PATL2: variants seen among roughly 807,000 people sequenced by gnomAD.
PATL2 encodes the protein protein PAT1 homolog 2.
Under a neutral mutation model 77.0 loss-of-function variants are expected in PATL2, and 73 were observed. The observed-to-expected ratio is 0.95, with a 90% CI of 0.78 to 1.15. PATL2 has a LOEUF of 1.15. PATL2 is among the 50% of genes most tolerant of loss of function. The pLI is 0.00. For missense variants in PATL2, 618 were observed against 655.4 expected, an observed-to-expected ratio of 0.94 and a Z score of 0.62; for synonymous variants, 265 against 257.1, an observed-to-expected ratio of 1.03 and a Z score of -0.29.
intron 3 of PATL2, among the ~76,000 whole-genome samples, chr15:44,695,755 C>T (rs1217228568): frequency 1.3e-5 from 2 of 152,210 alleles, no homozygotes; most frequent in African/African-American, 4.8e-5. Context: ...TGTGGACATA[C>T]CTGGTCCTTC....
Position 44,666,445 on chromosome 15 carries a change from C to T in PATL2, c.1560G>A (p.Leu520=). The T allele has an allele frequency of 6.4e-7, 1 of 1,551,694 alleles. No individual in the cohort carries two copies. The highest frequency in any genetic ancestry group is 8.7e-7 in the Non-Finnish European group (1 of 1,146,982). ...ATTGTTTGTCCACGTGGTGACAGAA[C>T]AGGGGAAGTAGGTTGCTGGGGAAAG... is the stretch of plus-strand genomic sequence containing the variant. ...PLAFPSNLLP[L]FCHHVDKQLV... The change falls in exon 17 of 18, where the codon CTG becomes CTA. Residue 520 remains leucine, a synonymous_variant. Transcript: ENST00000682850.
chr15:44,702,743 T>C (rs1456957589), intron 3 of PATL2, among the ~76,000 whole-genome samples: 1 of 151,868 alleles, frequency 6.6e-6, no homozygotes, highest in Admixed American at 6.6e-5. Flanking sequence ...AATTTCTTTG[T>C]TGACCCACAG....
chr15:44,709,197 C>A (rs1182452369), intron 3 of PATL2, among the ~76,000 whole-genome samples: 1 of 152,152 alleles, frequency 6.6e-6, no homozygotes, highest in Non-Finnish European at 1.5e-5. Flanking sequence ...CCACATCCAG[C>A]CCCAAATTGT....
At chr15:44,708,215 G>C (rs1389930339) in intron 3 of PATL2, among the ~76,000 whole-genome samples, 1 of 152,100 alleles carries the variant, frequency 6.6e-6, no homozygotes, top group African/African-American at 2.4e-5. Context: ...CCTGATTTTT[G>C]GTTCTTATGA....
At chr15:44,685,328 G>A (rs895593576) in intron 3 of PATL2, among the ~76,000 whole-genome samples, 5 of 152,182 alleles carry the variant, frequency 3.3e-5, no homozygotes, top group African/African-American at 9.6e-5. Flanking sequence ...TCAAGACCCT[G>A]CCAGGCACGG....
intron 3 of PATL2, among the ~76,000 whole-genome samples, chr15:44,682,899 T>C (rs1342960917): frequency 6.6e-6 from 1 of 152,136 alleles, no homozygotes; most frequent in Non-Finnish European, 1.5e-5. Context: ...ACCCAGCTCA[T>C]CTCACTGGGA....
rs756768541 is a variant in PATL2, at chr15:44,665,895, A to G, written c.*58T>C. 29 of 1,550,404 alleles carry G rather than the reference A, an allele frequency of 1.9e-5. No individual in the cohort carries two copies. The highest frequency in any genetic ancestry group is 9.6e-5 in the African/African-American group (7 of 73,030). On this transcript the variant is annotated 3_prime_UTR_variant, in exon 18 of 18. Coordinates refer to ENST00000682850, the MANE Select transcript of PATL2 (RefSeq NM_001387263.1). The stretch of plus-strand genomic sequence containing the variant: ...CTCTGGATCCCTGTAAACATAGTCT[A>G]TGTAGCTAGTGTCTGATGATTCAAC...
chr15:44,695,175 G>A (rs1459310043), intron 3 of PATL2, among the ~76,000 whole-genome samples: 5 of 150,952 alleles, frequency 3.3e-5, no homozygotes, highest in East Asian at 3.9e-4. Flanking sequence ...GCGACAGAGC[G>A]AGACTCCCTC....
At chr15:44,666,878 T>TA in intron 16 of PATL2, 1 of 518,190 alleles carries the variant, frequency 1.9e-6, no homozygotes. Flanking sequence ...TAGGTCTTTT[T>TA]AAAATCTAAA....
chr15:44,668,905 G>A, intron 14 of PATL2, 75 bp downstream of exon 14: 1 of 1,428,094 alleles, frequency 7.0e-7, no homozygotes, highest in Non-Finnish European at 9.3e-7. Context: ...TCTGGGGCAT[G>A]TGGGGACTGG....
rs1566849979 is a variant in PATL2 at position 44,669,827 on chromosome 15, A to G, written c.826T>C (p.Phe276Leu). The G allele has an allele frequency of 1.9e-6, 3 of 1,551,670 alleles. No homozygotes were observed. The change falls in exon 11 of 18, where the codon TTC (phenylalanine) becomes CTC (leucine). Residue 276 changes from phenylalanine to leucine, a missense_variant. Coordinates refer to ENST00000682850, the MANE Select transcript of PATL2 (RefSeq NM_001387263.1). ...SLGQVAVSTCFSPRRAIDAVP... is the reference protein window; with the variant it reads ...SLGQVAVSTCLSPRRAIDAVP... The stretch of plus-strand genomic sequence containing the variant: ...GCATCAATAGCTCGGCGAGGGCTGA[A>G]GCATGTCGACACAGCTACCTGGCCC...
intron 3 of PATL2, among the ~76,000 whole-genome samples, chr15:44,687,242 C>G (rs2086279894): frequency 6.6e-6 from 1 of 152,208 alleles, no homozygotes; most frequent in African/African-American, 2.4e-5. Flanking sequence ...GGATGCAAGG[C>G]TGGTTCAACA....
At chr15:44,676,223 T>C (rs934396845) in intron 4 of PATL2, 30 of 518,952 alleles carry the variant, frequency 5.8e-5, no homozygotes, top group Middle Eastern at 9.6e-4. Context: ...TGCCATATAC[T>C]TTACGTGCAT....
Position 44,669,787 on chromosome 15 carries a change from G to C in PATL2, c.866C>G (p.Thr289Ser), listed in dbSNP as rs533258380. 9.7e-6 allele frequency: 15 copies of C among 1,551,586 alleles called. No homozygotes were observed. In the East Asian group the frequency reaches 3.7e-4, roughly 38 times the overall value. Residue 289 changes from threonine to serine, a missense_variant, in exon 11 of 18, where the codon ACT becomes AGT. By Grantham distance (58) the Thr-to-Ser change is moderately conservative. Coordinates refer to ENST00000682850, the MANE Select transcript of PATL2 (RefSeq NM_001387263.1). ...RRAIDAVPHG[T>S]QEQDIEAASS... ...AGATAGTGCTCCCACCTGCTCTTGA[G>C]TTCCATGGGGTACCGCATCAATAGC... is the stretch of plus-strand genomic sequence containing the variant.
Position 44,686,956 on chromosome 15 carries a change from G to A in PATL2, c.-75-10391C>T, listed in dbSNP as rs1172639527. Among the ~76,000 whole-genome samples, 5 of 152,180 alleles carry A rather than the reference G, an allele frequency of 3.3e-5. No individual in the cohort carries two copies. In the South Asian group the frequency reaches 6.2e-4, roughly 19 times the overall value. ...AAGTCCAGGACCAGATGGACTCACA[G>A]CTGAATTCTACCAGAGGTACAATGA... On this transcript the variant is annotated intron_variant, in intron 3 of 17. Coordinates refer to ENST00000682850, the MANE Select transcript of PATL2 (RefSeq NM_001387263.1).
rs1330232933 is a variant in PATL2, at chr15:44,670,009, G to C, written c.736C>G (p.Leu246Val). 1 of 1,550,526 alleles carries C rather than the reference G, an allele frequency of 6.4e-7. No homozygotes were observed. The highest frequency in any genetic ancestry group is 8.7e-7 in the Non-Finnish European group (1 of 1,146,552). ...GRRNRVESLKLVTPYIPKAEA... is the reference protein window; with the variant it reads ...GRRNRVESLKVVTPYIPKAEA... ...GCCTTCGGAATGTAAGGCGTTACCAGCTTGAGGGACTCAACCCGGTTTCTT... is the reference window on the plus strand; with the variant it reads ...GCCTTCGGAATGTAAGGCGTTACCACCTTGAGGGACTCAACCCGGTTTCTT... The change falls in exon 10 of 18, where the codon CTG (leucine) becomes GTG (valine). Residue 246 changes from leucine (L) to valine (V), a missense_variant. Transcript: ENST00000682850.
At chr15:44,697,143 C>CCCTCTT (rs1358054910) in intron 3 of PATL2, among the ~76,000 whole-genome samples, 8 of 151,922 alleles carry the variant, frequency 5.3e-5, no homozygotes, top group African/African-American at 1.7e-4. Context: ...TCCTCCTCCT[C>CCCTCTT]CCTCTTCCTC....
intron 3 of PATL2, among the ~76,000 whole-genome samples, chr15:44,708,254 T>G (rs558038188): frequency 2.0e-5 from 3 of 150,908 alleles, no homozygotes; most frequent in South Asian, 4.1e-4. Flanking sequence ...GGATCATTAT[T>G]CAATTTGGTG....
chr15:44,672,481 T>C (rs1218364006), intron 7 of PATL2, 25 bp from the exon 8 acceptor site: 2 of 1,545,980 alleles, frequency 1.3e-6, no homozygotes, highest in Non-Finnish European at 1.8e-6. Context: ...AGTAACGAGC[T>C]GGGTGGAAGG....
Sources: gnomAD v4.1 joint callset for allele counts (sites outside exome capture counted in the v4.1 genomes callset) on GRCh38, gnomAD v4.1.1 for gene constraint, MANE v1.5 for transcripts, NCBI Gene and HGNC (gene_info 2026-07-23, HGNC 2026-07-21) for gene names.